Variants in DCAF8L2 observed in about 807,000 individuals in gnomAD.
DCAF8L2 encodes DDB1- and CUL4-associated factor 8-like protein 2.
For missense variants in DCAF8L2, 430 were observed against 490.7 expected (o/e 0.88, Z 1.17); for synonymous variants, 200 against 190.9 (o/e 1.05, Z -0.39).
intron 2 of DCAF8L2, among the ~76,000 whole-genome samples, chrX:27,664,625 C>T (rs1197667106): frequency 1.8e-5 from 2 of 111,810 alleles, no homozygotes; most frequent in Non-Finnish European, 3.8e-5. Context: ...AAGAAGAGGC[C>T]GTCTAGGACA....
rs569496086 is a variant in DCAF8L2 at position 27,673,954 on chromosome X, T to C, written c.-219-3882T>C. Among the ~76,000 whole-genome samples, 52 of 111,369 alleles carry C rather than the reference T, an allele frequency of 4.7e-4. No individual in the cohort carries two copies. The South Asian group carries it at 0.014, about 31-fold the overall frequency. ...CTTGCACCTTTTATTTTTTATTTTATGCGTATATAGTACATGTATATATTA... is the reference window on the plus strand; with the variant it reads ...CTTGCACCTTTTATTTTTTATTTTACGCGTATATAGTACATGTATATATTA... On this transcript the variant is annotated intron_variant, in intron 2 of 4. Transcript: ENST00000451261.
the DCAF8L2 span, among the ~76,000 whole-genome samples, chrX:27,540,752 G>A: frequency 8.9e-6 from 1 of 111,882 alleles, no homozygotes; most frequent in South Asian, 3.7e-4. Context: ...AATGATAAAT[G>A]TTTGAGGTGA....
the DCAF8L2 span, among the ~76,000 whole-genome samples, chrX:27,563,741 A>C: frequency 7.4e-4 from 83 of 112,482 alleles, no homozygotes; most frequent in Non-Finnish European, 1.1e-3. Flanking sequence ...ATTTAGACTT[A>C]ATACAAAGTA....
At chrX:27,523,409 AGTGTGT>A in the DCAF8L2 span, among the ~76,000 whole-genome samples, 7,182 of 96,052 alleles carry the variant, frequency 0.075, 426 homozygotes, top group African/African-American at 0.19. Flanking sequence ...CTGTCTACTG[AGTGTGT>A]GTGTGTGTGT....
the DCAF8L2 span, chrX:27,519,195 A>C: frequency 2.7e-6 from 3 of 1,108,621 alleles, no homozygotes; most frequent in Non-Finnish European, 3.7e-6. Flanking sequence ...AGGAAGAGCT[A>C]ATGGAACGTC....
rs182204893 is a variant in DCAF8L2, at chrX:27,719,995, T to G, written c.-59+3824T>G. Among the ~76,000 whole-genome samples, 354 of 111,178 alleles carry G rather than the reference T, an allele frequency of 3.2e-3. 4 individuals are homozygous for G. The highest frequency in any genetic ancestry group is 0.011 in the African/African-American group (338 of 30,625). ...CAATATGACAAAGATTTTTTTCCTG[T>G]GTTTTCTTCAAGTGGTTTTGTATCT... On this transcript the variant is annotated intron_variant, in intron 4 of 4. Coordinates refer to ENST00000451261, the MANE Select transcript of DCAF8L2 (RefSeq NM_001353450.2).
chrX:27,685,852 C>G (rs1267758923), intron 3 of DCAF8L2, among the ~76,000 whole-genome samples: 1 of 111,477 alleles, frequency 9.0e-6, no homozygotes, highest in African/African-American at 3.3e-5. Context: ...GGATTAATAC[C>G]AAGAATATAT....
At chrX:27,583,034 A>G in the DCAF8L2 span, among the ~76,000 whole-genome samples, 2 of 111,625 alleles carry the variant, frequency 1.8e-5, no homozygotes, top group Admixed American at 9.5e-5. Flanking sequence ...TCTCGTCTGT[A>G]GCAATTATTA....
At chrX:27,514,762 C>T in the DCAF8L2 span, among the ~76,000 whole-genome samples, 2 of 102,585 alleles carry the variant, frequency 1.9e-5, no homozygotes, top group African/African-American at 7.3e-5. Context: ...GAGGACATTA[C>T]GTGAAGTGAA....
chrX:27,469,022 C>T, the DCAF8L2 span, among the ~76,000 whole-genome samples: 5 of 112,105 alleles, frequency 4.5e-5, no homozygotes, highest in Admixed American at 3.8e-4. Context: ...CAAGTATTTT[C>T]TTGGATCCAT....
the DCAF8L2 span, among the ~76,000 whole-genome samples, chrX:27,514,529 C>T: frequency 1.9e-5 from 2 of 104,464 alleles, no homozygotes; most frequent in Non-Finnish European, 3.9e-5. Flanking sequence ...ATTAGCCGGG[C>T]GTAGTGGCGG....
intron 4 of DCAF8L2, among the ~76,000 whole-genome samples, chrX:27,732,258 C>A (rs1921250742): frequency 9.0e-6 from 1 of 110,631 alleles, no homozygotes; most frequent in African/African-American, 3.3e-5. Flanking sequence ...AATTTTGTAC[C>A]CTTTGACCTA....
the DCAF8L2 span, chrX:27,519,426 T>C: frequency 1.8e-6 from 2 of 1,122,336 alleles, no homozygotes; most frequent in Non-Finnish European, 2.4e-6. Context: ...CTGAATTCAC[T>C]GCCAAGATTG....
At chrX:27,566,021 G>A in the DCAF8L2 span, among the ~76,000 whole-genome samples, 1 of 110,629 alleles carries the variant, frequency 9.0e-6, no homozygotes, top group Admixed American at 9.7e-5. Context: ...TTCCCTTACT[G>A]TGCATGTGTT....
chrX:27,594,706 T>G (rs985797948), intron 1 of DCAF8L2, among the ~76,000 whole-genome samples: 1 of 111,630 alleles, frequency 9.0e-6, no homozygotes, highest in Non-Finnish European at 1.9e-5. Flanking sequence ...TTGTCTTGCT[T>G]ATAAAACCTA....
chrX:27,561,537 C>A, the DCAF8L2 span, among the ~76,000 whole-genome samples: 8 of 111,046 alleles, frequency 7.2e-5, no homozygotes, highest in African/African-American at 2.6e-4. Flanking sequence ...CATGATCTAA[C>A]TTTATAGTAT....
the DCAF8L2 span, among the ~76,000 whole-genome samples, chrX:27,480,468 GC>G: frequency 0.023 from 2,629 of 111,946 alleles, 88 homozygotes; most frequent in African/African-American, 0.081. Flanking sequence ...GAAGGCATGG[GC>G]AGAAAATTGG....
At chrX:27,549,346 T>TAC in the DCAF8L2 span, among the ~76,000 whole-genome samples, 1 of 110,852 alleles carries the variant, frequency 9.0e-6, no homozygotes, top group South Asian at 3.8e-4. Context: ...ACATTGAAAG[T>TAC]ATTTTCATAA....
intron 1 of DCAF8L2, among the ~76,000 whole-genome samples, chrX:27,621,007 G>A (rs6526685): frequency 0.081 from 9,014 of 111,599 alleles, 698 homozygotes; most frequent in African/African-American, 0.24. Context: ...AAATTTTGTC[G>A]TATGCTACAA....
Sources: allele counts gnomAD v4.1 joint callset (sites outside exome capture counted in the v4.1 genomes callset), GRCh38; gene constraint gnomAD v4.1.1; transcripts MANE v1.5; gene names NCBI Gene and HGNC (gene_info 2026-07-23, HGNC 2026-07-21).